The following ARHGAP18 variants were observed in gnomAD, a reference collection of about 807,000 sequenced individuals.
ARHGAP18 encodes Rho GTPase activating protein 18, also known as rho GTPase-activating protein 18.
ARHGAP18 carries 67 observed loss-of-function variants against 86.2 expected under a neutral mutation model. The observed-to-expected ratio is 0.78, with a 90% CI of 0.64 to 0.95. The LOEUF (loss-of-function observed/expected upper bound fraction) is 0.95, where lower values mean the gene tolerates loss of function less well. Among genes scored for constraint, ARHGAP18 ranks in the 40% least tolerant of loss-of-function variants. The pLI, the probability that ARHGAP18 is intolerant of heterozygous loss-of-function variation, is 0.00. For missense variants in ARHGAP18, 691 were observed against 780.4 expected, an observed-to-expected ratio of 0.89 and a Z score of 1.37; for synonymous variants, 283 against 280.4, an observed-to-expected ratio of 1.01 and a Z score of -0.09.
intron 1 of ARHGAP18, among the ~76,000 whole-genome samples, chr6:129,663,898 C>A (rs1394632100): frequency 6.6e-6 from 1 of 152,264 alleles, no homozygotes; most frequent in Non-Finnish European, 1.5e-5. Flanking sequence ...GGTGACCTGG[C>A]AGCCAGAAGT....
intron 1 of ARHGAP18, among the ~76,000 whole-genome samples, chr6:129,665,883 C>A (rs1182675633): frequency 6.6e-6 from 1 of 152,158 alleles, no homozygotes; most frequent in African/African-American, 2.4e-5. Context: ...ACATAAAACA[C>A]ATGCAATTTT....
intron 13 of ARHGAP18, among the ~76,000 whole-genome samples, chr6:129,582,174 G>A (rs1226333015): frequency 3.3e-5 from 5 of 151,738 alleles, no homozygotes; most frequent in Non-Finnish European, 2.9e-5. Context: ...CCTGCTCTGG[G>A]GGTAGCAAAT....
intron 1 of ARHGAP18, among the ~76,000 whole-genome samples, chr6:129,659,818 C>T (rs754649867): frequency 3.7e-4 from 56 of 152,120 alleles, no homozygotes; most frequent in Non-Finnish European, 5.1e-4. Context: ...GCTATGGAAG[C>T]ACATATTAGG....
intron 1 of ARHGAP18, among the ~76,000 whole-genome samples, chr6:129,676,753 C>T (rs945444471): frequency 1.3e-5 from 2 of 151,940 alleles, no homozygotes; most frequent in African/African-American, 4.8e-5. Context: ...GTCACTTTAC[C>T]GCTCCAACCT....
At chr6:129,605,733 AC>A (rs1788838866) in intron 10 of ARHGAP18, 143 bp downstream of exon 10, 2 of 682,892 alleles carry the variant, frequency 2.9e-6, no homozygotes, top group Non-Finnish European at 5.0e-6. Flanking sequence ...AAAGGCTTTC[AC>A]CCTCTGTCCT....
At chr6:129,671,298 T>C (rs937159060) in intron 1 of ARHGAP18, among the ~76,000 whole-genome samples, 2 of 152,188 alleles carry the variant, frequency 1.3e-5, no homozygotes, top group Non-Finnish European at 1.5e-5. Context: ...TATTTACCTA[T>C]AGAATGAGTT....
chr6:129,671,872 G>A (rs1024250238), intron 1 of ARHGAP18, among the ~76,000 whole-genome samples: 2 of 152,100 alleles, frequency 1.3e-5, no homozygotes, highest in African/African-American at 4.8e-5. Flanking sequence ...GCTGGAACCT[G>A]CCCTGCAAAT....
chr6:129,676,657 T>C (rs1196292158), intron 1 of ARHGAP18, among the ~76,000 whole-genome samples: 1 of 152,142 alleles, frequency 6.6e-6, no homozygotes, highest in Non-Finnish European at 1.5e-5. Context: ...GTGTGATGCA[T>C]TGAGCAAGCA....
At chr6:129,583,506 G>A (rs929842991) in intron 13 of ARHGAP18, among the ~76,000 whole-genome samples, 1 of 152,072 alleles carries the variant, frequency 6.6e-6, no homozygotes, top group East Asian at 1.9e-4. Flanking sequence ...GCGCTCAAAG[G>A]CCTGGTTTTC....
intron 12 of ARHGAP18, among the ~76,000 whole-genome samples, chr6:129,589,166 A>T (rs1481127789): frequency 6.6e-6 from 1 of 152,142 alleles, no homozygotes; most frequent in Non-Finnish European, 1.5e-5. Context: ...ACTTCTGCAA[A>T]TTTCTGCAGT....
At chr6:129,629,612 G>A in intron 4 of ARHGAP18, 90 bp from the exon 5 acceptor site, 2 of 1,346,574 alleles carry the variant, frequency 1.5e-6, no homozygotes, top group South Asian at 2.9e-5. Context: ...AAAACATTTG[G>A]GAAGAGTACT....
At chr6:129,634,734 T>C (rs1430977068) in intron 3 of ARHGAP18, among the ~76,000 whole-genome samples, 2 of 152,036 alleles carry the variant, frequency 1.3e-5, no homozygotes, top group East Asian at 3.9e-4. Flanking sequence ...CTAAAACTGA[T>C]TGTAGTGATA....
chr6:129,690,994 T>C (rs1774517808), intron 1 of ARHGAP18, among the ~76,000 whole-genome samples: 1 of 152,194 alleles, frequency 6.6e-6, no homozygotes, highest in South Asian at 2.1e-4. Context: ...TAACAATTGT[T>C]TTGCATCTCA....
At chr6:129,696,799 A>G (rs765845628) in intron 1 of ARHGAP18, among the ~76,000 whole-genome samples, 4 of 152,190 alleles carry the variant, frequency 2.6e-5, no homozygotes, top group Non-Finnish European at 5.9e-5. Context: ...GATTCTGTAT[A>G]AGAGAAGCAA....
chr6:129,665,863 T>C (rs1774026286), intron 1 of ARHGAP18, among the ~76,000 whole-genome samples: 1 of 152,104 alleles, frequency 6.6e-6, no homozygotes, highest in Non-Finnish European at 1.5e-5. Flanking sequence ...GAAACTTGAA[T>C]GAGATACGTA....
At chr6:129,604,077 A>C (rs1788803178) in intron 10 of ARHGAP18, among the ~76,000 whole-genome samples, 1 of 152,190 alleles carries the variant, frequency 6.6e-6, no homozygotes, top group Non-Finnish European at 1.5e-5. Context: ...TTCTTGTTCA[A>C]ATGTTCTATT....
At chr6:129,609,664 G>A (rs1400989635) in intron 8 of ARHGAP18, among the ~76,000 whole-genome samples, 1 of 151,272 alleles carries the variant, frequency 6.6e-6, no homozygotes, top group Non-Finnish European at 1.5e-5. Context: ...AGTGGCAAAC[G>A]TGCTATAGGT....
rs1246726352 is a variant in ARHGAP18, at chr6:129,577,286, G to A, written c.*1227C>T. 1.3e-5 allele frequency: 2 copies of A among 152,116 alleles called. No homozygotes were observed. The highest frequency in any genetic ancestry group is 4.8e-5 in the African/African-American group (2 of 41,406). The allele number at this position is 152,116 out of a possible 1,614,324, so 9.4% of individuals were successfully genotyped here. The stretch of plus-strand genomic sequence containing the variant: ...AGACATCAAGAGCTTCTGAGAATGT[G>A]TAGTTTTTCCTAAAGTACTACTAAA... On this transcript the variant is annotated 3_prime_UTR_variant, in exon 15 of 15. Coordinates refer to ENST00000368149, the MANE Select transcript of ARHGAP18 (RefSeq NM_033515.3).
rs114073692 is a variant in ARHGAP18 at position 129,576,665 on chromosome 6, G to T, written c.*1848C>A. 1.3e-5 allele frequency: 2 copies of T among 151,982 alleles called. No individual in the cohort carries two copies. The highest frequency in any genetic ancestry group is 6.6e-5 in the Admixed American group (1 of 15,262). 9.4% of individuals were successfully genotyped at this position (151,982 alleles called of 1,614,324 possible). On this transcript the variant is annotated 3_prime_UTR_variant, in exon 15 of 15. Coordinates refer to ENST00000368149, the MANE Select transcript of ARHGAP18 (RefSeq NM_033515.3). Reference sequence around the variant, plus strand: ...CCTCCTTTTCAGGTAGGTAGCAAACGTTGCGAAATTTAGTTGGCATATGCT... The same window carrying T: ...CCTCCTTTTCAGGTAGGTAGCAAACTTTGCGAAATTTAGTTGGCATATGCT...
Sources: allele counts gnomAD v4.1 joint callset (sites outside exome capture counted in the v4.1 genomes callset), GRCh38; gene constraint gnomAD v4.1.1; transcripts MANE v1.5; gene names NCBI Gene and HGNC (gene_info 2026-07-23, HGNC 2026-07-21).